Variants in TAFA1 observed in about 807,000 individuals in gnomAD.
TAFA1 encodes TAFA chemokine like family member 1.
A neutral mutation model predicts 18.5 loss-of-function variants in TAFA1; 4 were observed. The observed-to-expected ratio is 0.22, with a 90% CI of 0.11 to 0.49. The LOEUF (loss-of-function observed/expected upper bound fraction) is 0.49. Ranked by LOEUF, TAFA1 falls within the 20% of genes least tolerant of loss-of-function variation. The pLI is 0.98. For missense variants in TAFA1, 147 were observed against 169.0 expected (o/e 0.87, Z 0.72); for synonymous variants, 56 against 55.2 (o/e 1.01, Z -0.06).
chr3:68,355,530 C>A (rs1349160482), intron 2 of TAFA1, among the ~76,000 whole-genome samples: 1 of 151,952 alleles, frequency 6.6e-6, no homozygotes, highest in African/African-American at 2.4e-5. Flanking sequence ...GTGCTTAGTG[C>A]ATACTAATGA....
intron 2 of TAFA1, among the ~76,000 whole-genome samples, chr3:68,259,889 A>G (rs2067378452): frequency 6.6e-6 from 1 of 152,058 alleles, no homozygotes; most frequent in African/African-American, 2.4e-5. Flanking sequence ...GCAAACAGGG[A>G]CAATTTGACT....
intron 2 of TAFA1, among the ~76,000 whole-genome samples, chr3:68,077,527 G>T (rs1374707832): frequency 2.7e-5 from 4 of 148,796 alleles, no homozygotes; most frequent in Non-Finnish European, 6.0e-5. Flanking sequence ...TTCTACATAT[G>T]GCTAGCCAGT....
chr3:68,177,679 A>G (rs190137895), intron 2 of TAFA1, among the ~76,000 whole-genome samples: 21 of 152,372 alleles, frequency 1.4e-4, no homozygotes, highest in Admixed American at 1.4e-3. Context: ...TATAATAGTT[A>G]CAAGCTGGAA....
rs550005904 is a variant in TAFA1, at chr3:68,125,459, A to G, written c.118+118715A>G. On this transcript the variant is annotated intron_variant, in intron 2 of 4. Coordinates refer to ENST00000478136, the MANE Select transcript of TAFA1 (RefSeq NM_213609.4). ...AAAAGCGAAAGTGAATCTCACCACC[A>G]AATCTGTTTATTTGGTTTGTGGCTA... Among the ~76,000 whole-genome samples the G allele has an allele frequency of 2.0e-5, 3 of 152,322 alleles. No individual in the cohort carries two copies. In the East Asian group the frequency reaches 5.8e-4, roughly 29 times the overall value.
chr3:68,503,999 A>G (rs1308234045), intron 3 of TAFA1, among the ~76,000 whole-genome samples: 1 of 152,092 alleles, frequency 6.6e-6, no homozygotes, highest in Admixed American at 6.6e-5. Context: ...ATGTACACAA[A>G]CTGAATTTTA....
intron 2 of TAFA1, among the ~76,000 whole-genome samples, chr3:68,283,813 C>T (rs1253133852): frequency 6.6e-6 from 1 of 152,102 alleles, no homozygotes. Context: ...TTTTATCAGC[C>T]CTCAGCTTCC....
chr3:68,449,338 T>C (rs1243469549), intron 3 of TAFA1, among the ~76,000 whole-genome samples: 2 of 151,874 alleles, frequency 1.3e-5, no homozygotes, highest in Non-Finnish European at 2.9e-5. Context: ...TTCCAAAACA[T>C]GAAGTACCAA....
chr3:68,470,801 C>T (rs1388173203), intron 3 of TAFA1, among the ~76,000 whole-genome samples: 1 of 152,134 alleles, frequency 6.6e-6, no homozygotes, highest in East Asian at 1.9e-4. Flanking sequence ...AATAGAAAAG[C>T]CCACTTTCTG....
chr3:68,096,614 A>G (rs1394708813), intron 2 of TAFA1, among the ~76,000 whole-genome samples: 4 of 152,096 alleles, frequency 2.6e-5, no homozygotes, highest in African/African-American at 9.7e-5. Context: ...AAGTTAGTTA[A>G]CTTCTCCAAA....
At chr3:68,260,021 C>T (rs1274292504) in intron 2 of TAFA1, among the ~76,000 whole-genome samples, 4 of 151,552 alleles carry the variant, frequency 2.6e-5, no homozygotes, top group Admixed American at 6.6e-5. Flanking sequence ...GTGCCAGTTT[C>T]CAAAGGGAAT....
At chr3:68,035,402 C>T (rs948241462) in intron 2 of TAFA1, among the ~76,000 whole-genome samples, 1 of 152,120 alleles carries the variant, frequency 6.6e-6, no homozygotes, top group Non-Finnish European at 1.5e-5. Context: ...GTTAAAAAAG[C>T]CTCTCCATTT....
rs375774818 is a variant in TAFA1, at chr3:68,218,393, G to T, written c.119-198887G>T. 6.6e-5 allele frequency among the ~76,000 whole-genome samples: 10 copies of T among 152,136 alleles called. No individual in the cohort carries two copies. In the East Asian group the frequency reaches 1.9e-3, roughly 29 times the overall value. On this transcript the variant is annotated intron_variant, in intron 2 of 4. Coordinates refer to ENST00000478136, the MANE Select transcript of TAFA1 (RefSeq NM_213609.4). ...AATTAATTACAGCTTTTAAAAGAGA[G>T]TATATTCTTATTCATGATAATCCAG...
chr3:68,434,812 A>G (rs753545391), intron 3 of TAFA1, among the ~76,000 whole-genome samples: 14 of 152,060 alleles, frequency 9.2e-5, no homozygotes. Context: ...TTCATTTTGC[A>G]TTGTCTGTGG....
intron 2 of TAFA1, among the ~76,000 whole-genome samples, chr3:68,152,222 A>G (rs1320526968): frequency 2.0e-5 from 3 of 152,152 alleles, no homozygotes; most frequent in Admixed American, 6.5e-5. Context: ...CCTGCATCAG[A>G]ATCACCTAGG....
chr3:68,481,125 C>G (rs2072229830), intron 3 of TAFA1, among the ~76,000 whole-genome samples: 1 of 152,148 alleles, frequency 6.6e-6, no homozygotes, highest in South Asian at 2.1e-4. Context: ...AGTGTGAAAA[C>G]AAACTAATAC....
chr3:68,091,312 G>C (rs531350529), intron 2 of TAFA1, among the ~76,000 whole-genome samples: 1 of 152,266 alleles, frequency 6.6e-6, no homozygotes, highest in South Asian at 2.1e-4. Context: ...AGAACAAATG[G>C]TATATCTTAA....
In TAFA1 at chr3:68,485,796, A is replaced by G. The variant is rs190048785; in HGVS notation, c.260-52960A>G. Among the ~76,000 whole-genome samples, 566 of 152,282 alleles carry G rather than the reference A, an allele frequency of 3.7e-3. 2 individuals are homozygous for G. The highest frequency in any genetic ancestry group is 4.9e-3 in the Non-Finnish European group (333 of 68,026). The stretch of plus-strand genomic sequence containing the variant: ...GGAAATTTTAAATACTAAAATGTAC[A>G]TTTTGCTATAGTAAAAAGCCAGTAA... On this transcript the variant is annotated intron_variant, in intron 3 of 4. Coordinates refer to ENST00000478136, the MANE Select transcript of TAFA1 (RefSeq NM_213609.4).
intron 2 of TAFA1, among the ~76,000 whole-genome samples, chr3:68,388,002 C>G (rs1029321808): frequency 6.6e-6 from 1 of 152,092 alleles, no homozygotes; most frequent in African/African-American, 2.4e-5. Flanking sequence ...ACTCATGTTA[C>G]TTCATGAATG....
intron 2 of TAFA1, among the ~76,000 whole-genome samples, chr3:68,376,108 A>T: frequency 6.6e-6 from 1 of 152,148 alleles, no homozygotes; most frequent in East Asian, 1.9e-4. Context: ...TGATCAGGAT[A>T]TAGGCCTTTT....
Sources: allele counts gnomAD v4.1 joint callset (sites outside exome capture counted in the v4.1 genomes callset), GRCh38; gene constraint gnomAD v4.1.1; transcripts MANE v1.5; gene names NCBI Gene and HGNC (gene_info 2026-07-23, HGNC 2026-07-21).